The following DPP6 variants were observed in gnomAD, a reference collection of about 807,000 sequenced individuals.
DPP6 encodes the protein A-type potassium channel modulatory protein DPP6.
In DPP6, 69 loss-of-function variants were observed where a neutral mutation model predicts 122.6. That is an observed-to-expected ratio of 0.56 (90% CI 0.46 to 0.69). The LOEUF (loss-of-function observed/expected upper bound fraction) is 0.69. DPP6 is among the 30% of genes least tolerant of loss of function. The probability of loss-of-function intolerance (pLI) is 0.00; values close to 1 mark genes in which losing one functional copy is unlikely to be tolerated. For missense variants in DPP6, 928 were observed against 1,116.9 expected, an observed-to-expected ratio of 0.83 and a Z score of 2.41; for synonymous variants, 418 against 433.1, an observed-to-expected ratio of 0.97 and a Z score of 0.43.
chr7:153,980,346 A>G (rs1796519680), intron 1 of DPP6, among the ~76,000 whole-genome samples: 1 of 151,794 alleles, frequency 6.6e-6, no homozygotes, highest in Non-Finnish European at 1.5e-5. Context: ...GGTGTTTATA[A>G]TATTCTCTGA....
intron 1 of DPP6, among the ~76,000 whole-genome samples, chr7:154,433,461 G>T (rs1056321571): frequency 6.6e-6 from 1 of 151,724 alleles, no homozygotes; most frequent in Non-Finnish European, 1.5e-5. Flanking sequence ...GAGCCCCCTC[G>T]CCCGGCCTCA....
intron 16 of DPP6, among the ~76,000 whole-genome samples, chr7:154,836,959 G>A (rs1036622999): frequency 5.3e-5 from 8 of 152,160 alleles, no homozygotes; most frequent in Non-Finnish European, 8.8e-5. Context: ...TGCCAGCCTC[G>A]GCCTCCCAAA....
At chr7:154,400,969 G>A (rs184594377) in intron 1 of DPP6, among the ~76,000 whole-genome samples, 96 of 152,230 alleles carry the variant, frequency 6.3e-4, no homozygotes, top group African/African-American at 2.2e-3. Context: ...TTGGGAGGCT[G>A]AGGAGGGCAG....
At chr7:153,804,557 G>C in the DPP6 span, among the ~76,000 whole-genome samples, 1 of 152,120 alleles carries the variant, frequency 6.6e-6, no homozygotes, top group Admixed American at 6.6e-5. Flanking sequence ...AGGCTTATGA[G>C]AAAAATATTA....
chr7:154,793,933 A>G, intron 10 of DPP6, 146 bp from the exon 11 acceptor site: 1 of 1,328,236 alleles, frequency 7.5e-7, no homozygotes. Flanking sequence ...TATAAGCCAG[A>G]TTTCAGAAGC....
At chr7:154,295,862 A>G (rs1805501999) in intron 1 of DPP6, among the ~76,000 whole-genome samples, 1 of 151,532 alleles carries the variant, frequency 6.6e-6, no homozygotes, top group Non-Finnish European at 1.5e-5. Flanking sequence ...TTTCTTAAGT[A>G]CTGTGTCTAT....
At chr7:154,258,366 A>G (rs1026122825) in intron 1 of DPP6, among the ~76,000 whole-genome samples, 3 of 152,230 alleles carry the variant, frequency 2.0e-5, no homozygotes, top group Non-Finnish European at 4.4e-5. Flanking sequence ...TGAGAGATGA[A>G]AAAACAAGAC....
the DPP6 span, among the ~76,000 whole-genome samples, chr7:153,818,971 C>T: frequency 1.3e-5 from 2 of 149,726 alleles, no homozygotes; most frequent in African/African-American, 2.5e-5. Context: ...AGGCTGGTCT[C>T]GAACTCCTGA....
intron 16 of DPP6, among the ~76,000 whole-genome samples, chr7:154,822,111 G>A (rs1799829976): frequency 6.6e-6 from 1 of 151,868 alleles, no homozygotes; most frequent in Non-Finnish European, 1.5e-5. Context: ...GGCATTTTTT[G>A]CCTTTACGCC....
the DPP6 span, among the ~76,000 whole-genome samples, chr7:153,823,441 G>A: frequency 8.2e-5 from 12 of 146,204 alleles, no homozygotes; most frequent in African/African-American, 2.5e-4. Flanking sequence ...TAAGCGGGGG[G>A]ATGAAGAGTT....
At chr7:154,216,082 C>T (rs1164992914) in intron 1 of DPP6, among the ~76,000 whole-genome samples, 1 of 152,174 alleles carries the variant, frequency 6.6e-6, no homozygotes, top group Admixed American at 6.5e-5. Flanking sequence ...TAAGCACGTG[C>T]CCAGTTGGCA....
intron 2 of DPP6, among the ~76,000 whole-genome samples, chr7:154,455,882 C>T (rs1196070748): frequency 6.6e-6 from 1 of 152,156 alleles, no homozygotes. Flanking sequence ...TATGCTGGGA[C>T]CCTGGTTTCC....
At chr7:153,885,146 C>T (rs1024519659), upstream of DPP6, among the ~76,000 whole-genome samples, 38 of 151,396 alleles carry the variant, frequency 2.5e-4, no homozygotes, top group African/African-American at 8.7e-4. Flanking sequence ...TCTAGATGAA[C>T]GAATGCCGCT....
chr7:154,860,444 G>A (rs1803283261), intron 17 of DPP6, among the ~76,000 whole-genome samples: 9 of 152,178 alleles, frequency 5.9e-5, no homozygotes, highest in Admixed American at 3.9e-4. Flanking sequence ...AAGGACCCCA[G>A]GTTGCAGACA....
intron 17 of DPP6, among the ~76,000 whole-genome samples, chr7:154,859,370 C>T (rs948020704): frequency 1.3e-5 from 2 of 152,264 alleles, no homozygotes; most frequent in Non-Finnish European, 2.9e-5. Flanking sequence ...TGTGTGACGC[C>T]ATGACTGGCA....
intron 1 of DPP6, among the ~76,000 whole-genome samples, chr7:153,947,667 G>A (rs1028687655): frequency 6.6e-6 from 1 of 152,142 alleles, no homozygotes; most frequent in Non-Finnish European, 1.5e-5. Context: ...GGATGAGGAC[G>A]CAGAGGTCAT....
intron 1 of DPP6, among the ~76,000 whole-genome samples, chr7:153,919,470 A>G (rs1800531958): frequency 6.6e-6 from 1 of 152,334 alleles, no homozygotes; most frequent in African/African-American, 2.4e-5. Context: ...TCAGTGCTAC[A>G]CTAAACTCTA....
the DPP6 span, among the ~76,000 whole-genome samples, chr7:153,813,003 G>A: frequency 6.6e-6 from 1 of 152,112 alleles, no homozygotes; most frequent in South Asian, 2.1e-4. Context: ...GCATCAGAGT[G>A]CCTGGTGAGG....
intron 1 of DPP6, among the ~76,000 whole-genome samples, chr7:154,434,885 A>C (rs1342262134): frequency 6.6e-6 from 1 of 152,120 alleles, no homozygotes; most frequent in African/African-American, 2.4e-5. Context: ...CCCAGGCTAA[A>C]GTGCAGTGGT....
Sources: gnomAD v4.1 joint callset for allele counts (sites outside exome capture counted in the v4.1 genomes callset) on GRCh38, gnomAD v4.1.1 for gene constraint, MANE v1.5 for transcripts, NCBI Gene and HGNC (gene_info 2026-07-23, HGNC 2026-07-21) for gene names.